SLC25A13: variants seen among roughly 807,000 people sequenced by gnomAD.
SLC25A13 encodes electrogenic aspartate/glutamate antiporter SLC25A13, mitochondrial.
Under a neutral mutation model 85.5 loss-of-function variants are expected in SLC25A13, and 70 were observed. The ratio of observed to expected loss-of-function variants is 0.82; its 90% confidence interval spans 0.68 to 1.00. SLC25A13 has a LOEUF of 1.00. Among genes scored for constraint, SLC25A13 ranks in the 50% least tolerant of loss-of-function variants. The pLI, the probability that SLC25A13 is intolerant of heterozygous loss-of-function variation, is 0.00. For missense variants in SLC25A13, 765 were observed against 819.8 expected, an observed-to-expected ratio of 0.93 and a Z score of 0.82; for synonymous variants, 259 against 288.7, an observed-to-expected ratio of 0.90 and a Z score of 1.04.
intron 3 of SLC25A13, among the ~76,000 whole-genome samples, chr7:96,255,140 A>G (rs917490647): frequency 1.2e-4 from 18 of 152,336 alleles, no homozygotes; most frequent in African/African-American, 4.3e-4. Context: ...GTCTAAGTAC[A>G]ACAGAACTAA....
chr7:96,151,135 C>T (rs1463392834), intron 13 of SLC25A13, among the ~76,000 whole-genome samples: 1 of 152,128 alleles, frequency 6.6e-6, no homozygotes, highest in Non-Finnish European at 1.5e-5. Context: ...CACAAAGGAA[C>T]AGTGACAAGG....
At chr7:96,163,890 C>CCT (rs113065926) in intron 13 of SLC25A13, among the ~76,000 whole-genome samples, 1,563 of 151,760 alleles carry the variant, frequency 0.01, 26 homozygotes, top group African/African-American at 0.036. Context: ...TTCACAACAT[C>CCT]CTCTCTCTCT....
chr7:96,163,078 G>T (rs2116547329), intron 13 of SLC25A13, among the ~76,000 whole-genome samples: 1 of 152,298 alleles, frequency 6.6e-6, no homozygotes, highest in East Asian at 1.9e-4. Flanking sequence ...GAATCCTCCA[G>T]TGGCAGTTAA....
chr7:96,153,274 A>C (rs545543624), intron 13 of SLC25A13, among the ~76,000 whole-genome samples: 1 of 152,392 alleles, frequency 6.6e-6, no homozygotes, highest in Non-Finnish European at 1.5e-5. Flanking sequence ...AAGAACAACT[A>C]AAGTTCTGAT....
intron 3 of SLC25A13, among the ~76,000 whole-genome samples, chr7:96,246,428 T>G (rs917261630): frequency 6.6e-6 from 1 of 152,162 alleles, no homozygotes; most frequent in African/African-American, 2.4e-5. Flanking sequence ...TAATGATGAT[T>G]AAAACAATAT....
rs558299868 is a variant in SLC25A13, at chr7:96,206,622, A to G, written c.468+2216T>C. ...CTGACTGAGATCATTCACCACTATA[A>G]CCATTGTAATCTAGTAAAAGTTCAG... On this transcript the variant is annotated intron_variant, in intron 5 of 17. Transcript: ENST00000265631. Among the ~76,000 whole-genome samples, 3 of 152,252 alleles carry G rather than the reference A, an allele frequency of 2.0e-5. No individual in the cohort carries two copies. The East Asian group carries it at 5.8e-4, about 29-fold the overall frequency.
At chr7:96,153,756 T>C (rs1793139689) in intron 13 of SLC25A13, among the ~76,000 whole-genome samples, 1 of 152,230 alleles carries the variant, frequency 6.6e-6, no homozygotes, top group Non-Finnish European at 1.5e-5. Context: ...TTTTGTAGCA[T>C]TTTTCAAAAG....
At chr7:96,206,748 A>G (rs1306476856) in intron 5 of SLC25A13, among the ~76,000 whole-genome samples, 1 of 152,160 alleles carries the variant, frequency 6.6e-6, no homozygotes. Flanking sequence ...TGCCTTACAA[A>G]TTGTTTGGAA....
rs759638459 is a variant in SLC25A13 at position 96,322,038 on chromosome 7, C to CCGG, written c.-85_-83dup. 4.9e-3 allele frequency: 7,444 copies of CCGG among 1,511,698 alleles called. 19 individuals are homozygous for CCGG. Among genetic ancestry groups the CCGG allele is most frequent in the Non-Finnish European group, 5.8e-3 (6,499 of 1,127,232 alleles). The allele number at this position is 1,511,698 out of a possible 1,614,324, so 93.6% of individuals were successfully genotyped here. On this transcript the variant is annotated 5_prime_UTR_variant, in exon 1 of 18. Transcript: ENST00000265631. ...GGACCCGGGCGGCTCACTTCTAGTC[C>CCGG]CGGCGGCGGCGGCGGTGGGGGCGGC...
At chr7:96,148,253 G>C (rs187038113) in intron 13 of SLC25A13, among the ~76,000 whole-genome samples, 17 of 152,298 alleles carry the variant, frequency 1.1e-4, no homozygotes, top group Non-Finnish European at 2.4e-4. Context: ...TAGAGTGTGA[G>C]ATGATACACC....
chr7:96,299,720 T>C (rs1343425882), intron 1 of SLC25A13, among the ~76,000 whole-genome samples: 1 of 152,204 alleles, frequency 6.6e-6, no homozygotes, highest in Non-Finnish European at 1.5e-5. Flanking sequence ...GAAAAATGCA[T>C]TGTTAAGTGA....
At chr7:96,121,436 A>G (rs1791500425) in intron 17 of SLC25A13, 59 bp from the exon 18 acceptor site, 1 of 1,580,842 alleles carries the variant, frequency 6.3e-7, no homozygotes. Flanking sequence ...AACTTGATAA[A>G]AATAACATTC....
intron 7 of SLC25A13, among the ~76,000 whole-genome samples, chr7:96,190,594 T>C (rs1794811136): frequency 1.3e-5 from 2 of 151,560 alleles, no homozygotes; most frequent in South Asian, 4.2e-4. Context: ...TCAAAGGGTG[T>C]CTTCAGTTTA....
chr7:96,189,581 C>T lies in SLC25A13; in HGVS notation c.848G>A (p.Gly283Glu), dbSNP rs544756381. 110 of 1,607,522 alleles carry T rather than the reference C, an allele frequency of 6.8e-5. 1 individual carries two copies. The highest frequency in any genetic ancestry group is 9.1e-5 in the Non-Finnish European group (107 of 1,177,678). The change falls in exon 8 of 18, where the codon GGA becomes GAA. Residue 283 changes from glycine to glutamate, a missense_variant and splice_region_variant. Coordinates refer to ENST00000265631, the MANE Select transcript of SLC25A13 (RefSeq NM_014251.3). ...FQLADLYEPR[G>E]RMTLADIERI... Reference sequence around the variant, plus strand: ...AAAAAAAAAAAAAAAGCCAACTTACCCCCTTGGCTCATATAAATCTGCTAA... The same window carrying T: ...AAAAAAAAAAAAAAAGCCAACTTACTCCCTTGGCTCATATAAATCTGCTAA...
In SLC25A13 at chr7:96,120,228, C is replaced by T. The variant is rs984269220; in HGVS notation, c.*963G>A. On this transcript the variant is annotated 3_prime_UTR_variant, in exon 18 of 18. Coordinates refer to ENST00000265631, the MANE Select transcript of SLC25A13 (RefSeq NM_014251.3). Reference sequence around the variant, plus strand: ...AAGACCAAACAACTCAATCACTTTACAAATAGTTTATTTCCACCTTCACAA... The same window carrying T: ...AAGACCAAACAACTCAATCACTTTATAAATAGTTTATTTCCACCTTCACAA... The T allele has an allele frequency of 2.2e-6, 1 of 448,702 alleles. No individual in the cohort carries two copies. Among genetic ancestry groups the T allele is most frequent in the African/African-American group, 2.0e-5 (1 of 49,802 alleles). 27.8% of individuals were successfully genotyped at this position (448,702 alleles called of 1,614,324 possible). A position where few individuals can be genotyped will look rare whatever the true frequency, so the allele number is the denominator to read the frequency against.
intron 3 of SLC25A13, among the ~76,000 whole-genome samples, chr7:96,257,104 G>A (rs1313904794): frequency 5.9e-5 from 9 of 152,126 alleles, no homozygotes; most frequent in Non-Finnish European, 1.5e-5. Context: ...ATGCCCATAG[G>A]AAAAGGCGGG....
chr7:96,231,335 G>C (rs957571443), intron 4 of SLC25A13, among the ~76,000 whole-genome samples: 3 of 152,140 alleles, frequency 2.0e-5, no homozygotes, highest in African/African-American at 7.2e-5. Flanking sequence ...CAGAATGGGA[G>C]AAAATTTTTG....
In SLC25A13 at chr7:96,322,028, A is replaced by C. The variant is rs746839249; in HGVS notation, c.-72T>G. 2 of 1,524,388 alleles carry C rather than the reference A, an allele frequency of 1.3e-6. No homozygotes were observed. Among genetic ancestry groups the C allele is most frequent in the Non-Finnish European group, 1.8e-6 (2 of 1,135,224 alleles). 94.4% of individuals were successfully genotyped at this position (1,524,388 alleles called of 1,614,324 possible). On this transcript the variant is annotated 5_prime_UTR_variant, in exon 1 of 18. Transcript: ENST00000265631. Reference sequence around the variant, plus strand: ...CTGGCGTTTGGGACCCGGGCGGCTCACTTCTAGTCCCGGCGGCGGCGGCGG... The same window carrying C: ...CTGGCGTTTGGGACCCGGGCGGCTCCCTTCTAGTCCCGGCGGCGGCGGCGG...
intron 4 of SLC25A13, among the ~76,000 whole-genome samples, chr7:96,232,659 A>C (rs558016766): frequency 4.0e-5 from 6 of 151,790 alleles, no homozygotes; most frequent in African/African-American, 1.5e-4. Flanking sequence ...AAAAAAAAAA[A>C]AAAAAACAGA....
Sources: allele counts gnomAD v4.1 joint callset (sites outside exome capture counted in the v4.1 genomes callset), GRCh38; gene constraint gnomAD v4.1.1; transcripts MANE v1.5; gene names NCBI Gene and HGNC (gene_info 2026-07-23, HGNC 2026-07-21).